SEMA3E: variants seen among roughly 807,000 people sequenced by gnomAD.
The protein encoded by SEMA3E is semaphorin-3E.
In SEMA3E, 49 loss-of-function variants were observed where a neutral mutation model predicts 93.6. The observed-to-expected ratio is 0.52, with a 90% confidence interval of 0.42 to 0.66. The LOEUF is 0.66. SEMA3E is among the 30% of genes least tolerant of loss of function. SEMA3E has a pLI of 0.00. For synonymous variants in SEMA3E, 363 were observed against 330.7 expected (o/e 1.10, Z -1.06); for missense variants, 906 against 964.8 (o/e 0.94, Z 0.81).
chr7:83,517,483 A>G (rs1284222446), intron 1 of SEMA3E, among the ~76,000 whole-genome samples: 2 of 152,232 alleles, frequency 1.3e-5, no homozygotes, highest in Admixed American at 1.3e-4. Flanking sequence ...TGACAGGGAT[A>G]AAAGAAAAAG....
At position 83,367,499 on chromosome 7, in the gene SEMA3E, A is replaced by G. The variant is rs963973134; in HGVS notation, c.*87T>C. On this transcript the variant is annotated 3_prime_UTR_variant, in exon 17 of 17. Transcript: ENST00000643230. Reference sequence around the variant, plus strand: ...TGTATTACAGAAATCTCTTTTAAGTAATGCAAAGAAGTTGGATGATTTATT... The same window carrying G: ...TGTATTACAGAAATCTCTTTTAAGTGATGCAAAGAAGTTGGATGATTTATT... 7.6e-7 allele frequency: 1 copy of G among 1,319,860 alleles called. No individual in the cohort carries two copies. The highest frequency in any genetic ancestry group is 1.5e-5 in the African/African-American group (1 of 68,238). 81.8% of individuals were successfully genotyped at this position (1,319,860 alleles called of 1,614,324 possible).
At chr7:83,381,914 A>G (rs2116911653) in intron 16 of SEMA3E, among the ~76,000 whole-genome samples, 1 of 152,046 alleles carries the variant, frequency 6.6e-6, no homozygotes, top group East Asian at 1.9e-4. Context: ...CAGTGCTTAG[A>G]GTGGCGATGG....
At chr7:83,483,118 G>GA (rs559881731) in intron 2 of SEMA3E, among the ~76,000 whole-genome samples, 2,347 of 132,620 alleles carry the variant, frequency 0.018, 60 homozygotes, top group African/African-American at 0.056. Context: ...TCAGAAATCA[G>GA]AAAAAAAAAA....
At position 83,470,719 on chromosome 7, in the gene SEMA3E, T is replaced by C. The variant is rs1011202263; in HGVS notation, c.277-1417A>G. On this transcript the variant is annotated intron_variant, in intron 2 of 16. Coordinates refer to ENST00000643230, the MANE Select transcript of SEMA3E (RefSeq NM_012431.3). ...TGCATATATTTCTAATTTATGTAAA[T>C]AGTATTGAAGTTAAATCTCATCTCT... Among the ~76,000 whole-genome samples the C allele has an allele frequency of 3.3e-5, 5 of 152,178 alleles. No individual in the cohort carries two copies. In the South Asian group the frequency reaches 8.3e-4, roughly 25 times the overall value.
intron 1 of SEMA3E, among the ~76,000 whole-genome samples, chr7:83,508,019 A>G (rs1178777761): frequency 1.3e-5 from 2 of 152,110 alleles, no homozygotes; most frequent in African/African-American, 4.8e-5. Context: ...ATAGTACTAA[A>G]AATAATATAA....
intron 1 of SEMA3E, among the ~76,000 whole-genome samples, chr7:83,608,143 G>A (rs1793165739): frequency 6.6e-6 from 1 of 151,942 alleles, no homozygotes; most frequent in African/African-American, 2.4e-5. Flanking sequence ...AACCCAGGAG[G>A]CAGAGGTTAC....
At chr7:83,516,470 T>C (rs1292267071) in intron 1 of SEMA3E, among the ~76,000 whole-genome samples, 1 of 152,198 alleles carries the variant, frequency 6.6e-6, no homozygotes, top group Admixed American at 6.5e-5. Context: ...TACAAAAACA[T>C]AATGAAAGTA....
At chr7:83,557,388 C>G in intron 1 of SEMA3E, among the ~76,000 whole-genome samples, 1 of 151,496 alleles carries the variant, frequency 6.6e-6, no homozygotes, top group East Asian at 1.9e-4. Flanking sequence ...ATAATTCAAA[C>G]TAATTAACAA....
At chr7:83,412,588 A>T (rs1788458420) in intron 5 of SEMA3E, among the ~76,000 whole-genome samples, 1 of 151,686 alleles carries the variant, frequency 6.6e-6, no homozygotes, top group African/African-American at 2.4e-5. Context: ...CTCTACAAAT[A>T]ATAATAATAA....
At chr7:83,496,187 G>C (rs1297153324) in intron 1 of SEMA3E, among the ~76,000 whole-genome samples, 1 of 151,780 alleles carries the variant, frequency 6.6e-6, no homozygotes, top group Non-Finnish European at 1.5e-5. Flanking sequence ...GGTCAGTGTT[G>C]GTGACAAAAT....
chr7:83,619,721 T>C (rs1793505442), intron 1 of SEMA3E, among the ~76,000 whole-genome samples: 1 of 151,856 alleles, frequency 6.6e-6, no homozygotes, highest in African/African-American at 2.4e-5. Flanking sequence ...GAGATAATAC[T>C]ATGTCCTTCC....
chr7:83,511,671 G>A (rs1790821608), intron 1 of SEMA3E, among the ~76,000 whole-genome samples: 1 of 152,056 alleles, frequency 6.6e-6, no homozygotes, highest in Non-Finnish European at 1.5e-5. Flanking sequence ...GATCACCTGA[G>A]TTCAGGGGTT....
chr7:83,475,013 A>C (rs1267468195), intron 2 of SEMA3E, among the ~76,000 whole-genome samples: 1 of 150,882 alleles, frequency 6.6e-6, no homozygotes, highest in African/African-American at 2.4e-5. Context: ...ATATATAATA[A>C]AATACAAATT....
intron 1 of SEMA3E, among the ~76,000 whole-genome samples, chr7:83,490,816 G>A (rs1790367612): frequency 6.6e-6 from 1 of 152,020 alleles, no homozygotes; most frequent in South Asian, 2.1e-4. Context: ...TTCAATCATT[G>A]CAATTTTTGC....
chr7:83,461,374 A>G (rs1789612937), intron 4 of SEMA3E, among the ~76,000 whole-genome samples: 3 of 152,046 alleles, frequency 2.0e-5, no homozygotes, highest in African/African-American at 2.4e-5. Flanking sequence ...CTAGGTCCCA[A>G]TTCTACCTCA....
At chr7:83,555,290 T>C (rs1584328468) in intron 1 of SEMA3E, among the ~76,000 whole-genome samples, 1 of 152,212 alleles carries the variant, frequency 6.6e-6, no homozygotes, top group Admixed American at 6.5e-5. Flanking sequence ...ACATAATATA[T>C]GCATGTAACA....
At chr7:83,458,942 C>T (rs951728141) in intron 4 of SEMA3E, among the ~76,000 whole-genome samples, 1 of 124,320 alleles carries the variant, frequency 8.0e-6, no homozygotes, top group Non-Finnish European at 1.6e-5. Flanking sequence ...TATATATATA[C>T]ACATATGTAT....
At chr7:83,477,082 A>C (rs2115923660) in intron 2 of SEMA3E, among the ~76,000 whole-genome samples, 1 of 152,316 alleles carries the variant, frequency 6.6e-6, no homozygotes, top group African/African-American at 2.4e-5. Flanking sequence ...GCTTATTGTT[A>C]CAAGACGTTA....
chr7:83,469,319 T>C lies in SEMA3E; in HGVS notation c.277-17A>G, dbSNP rs759999553. 3.9e-6 allele frequency: 6 copies of C among 1,556,236 alleles called. No homozygotes were observed. Among genetic ancestry groups the C allele is most frequent in the Non-Finnish European group, 5.3e-6 (6 of 1,128,972 alleles). On this transcript the variant is annotated splice_polypyrimidine_tract_variant and intron_variant, in intron 2 of 16. Coordinates refer to ENST00000643230, the MANE Select transcript of SEMA3E (RefSeq NM_012431.3). Reference sequence around the variant, plus strand: ...CCAGTGTATCTAAAATAAAAGATAATGTACTATTATGACAACTGCATATAA... The same window carrying C: ...CCAGTGTATCTAAAATAAAAGATAACGTACTATTATGACAACTGCATATAA...
Sources: gnomAD v4.1 joint callset for allele counts (sites outside exome capture counted in the v4.1 genomes callset) on GRCh38, gnomAD v4.1.1 for gene constraint, MANE v1.5 for transcripts, NCBI Gene and HGNC (gene_info 2026-07-23, HGNC 2026-07-21) for gene names.